ATP1A1: variants seen among roughly 807,000 people sequenced by gnomAD.
ATP1A1 encodes sodium/potassium-transporting ATPase subunit alpha-1.
A neutral mutation model predicts 114.8 loss-of-function variants in ATP1A1; 14 were observed. The observed-to-expected ratio is 0.12, with a 90% CI of 0.08 to 0.19. The LOEUF (loss-of-function observed/expected upper bound fraction) is 0.19. Among genes scored for constraint, ATP1A1 ranks in the 10% least tolerant of loss-of-function variants. The pLI, the probability that ATP1A1 is intolerant of heterozygous loss-of-function variation, is 1.00. For missense variants in ATP1A1, 524 were observed against 1,290.7 expected (o/e 0.41, Z 9.10); for synonymous variants, 471 against 466.3 (o/e 1.01, Z -0.13).
At position 116,404,589 on chromosome 1, in the gene ATP1A1, A is replaced by T; in HGVS notation, c.*145A>T. The T allele has an allele frequency of 1.4e-6, 2 of 1,387,222 alleles. No homozygotes were observed. The highest frequency in any genetic ancestry group is 1.9e-6 in the Non-Finnish European group (2 of 1,072,268). 85.9% of individuals were successfully genotyped at this position (1,387,222 alleles called of 1,614,324 possible). ...CATGTGGGGAAGCAAGACGTCCTGGAATGAAGCATGTAGCTCTATGGGGGG... is the reference window on the plus strand; with the variant it reads ...CATGTGGGGAAGCAAGACGTCCTGGTATGAAGCATGTAGCTCTATGGGGGG... On this transcript the variant is annotated 3_prime_UTR_variant, in exon 23 of 23. Coordinates refer to ENST00000295598, the MANE Select transcript of ATP1A1 (RefSeq NM_000701.8). This position sits in a 1 kb window ranked among gnomAD's most constrained non-coding sequence, Gnocchi z 4.8.
chr1:116,403,986 G>A lies in ATP1A1; in HGVS notation c.3043+11G>A, dbSNP rs1172088179. ...GGCGACGCCCTGGCGGTAATTATGG[G>A]CATTCTGACTTTGGTTGGAGGAGGA... On this transcript the variant is annotated intron_variant, in intron 22 of 22. Coordinates refer to ENST00000295598, the MANE Select transcript of ATP1A1 (RefSeq NM_000701.8). 1.2e-6 allele frequency: 2 copies of A among 1,611,958 alleles called. No homozygotes were observed. Among genetic ancestry groups the A allele is most frequent in the South Asian group, 1.1e-5 (1 of 90,870 alleles).
rs11540946 is a variant in ATP1A1 at position 116,373,367 on chromosome 1, C to T, written c.-145C>T. The T allele has an allele frequency of 3.9e-5, 18 of 460,400 alleles. No individual in the cohort carries two copies. In the South Asian group the frequency reaches 6.6e-4, roughly 17 times the overall value. The allele number at this position is 460,400 out of a possible 1,614,324, so 28.5% of individuals were successfully genotyped here. A position where few individuals can be genotyped will look rare whatever the true frequency, so the allele number is the denominator to read the frequency against. On this transcript the variant is annotated 5_prime_UTR_variant, in exon 1 of 23. Coordinates refer to ENST00000295598, the MANE Select transcript of ATP1A1 (RefSeq NM_000701.8). ...CGGCATCGGCCCGAGCCGCCGGCCGCCCTCCCACCCTCCCGCCCCGCGGCA... is the reference window on the plus strand; with the variant it reads ...CGGCATCGGCCCGAGCCGCCGGCCGTCCTCCCACCCTCCCGCCCCGCGGCA...
rs1178447957 is a variant in ATP1A1, at chr1:116,387,830, G to A, written c.388-301G>A. On this transcript the variant is annotated intron_variant, in intron 4 of 22. Transcript: ENST00000295598. This position sits in a 1 kb window ranked among gnomAD's most constrained non-coding sequence, Gnocchi z 6.7. Reference sequence around the variant, plus strand: ...TCCACCTGTCCAGAAATGCTTGGTGGCCATTCTTCAAAATCCACAAGTTGG... The same window carrying A: ...TCCACCTGTCCAGAAATGCTTGGTGACCATTCTTCAAAATCCACAAGTTGG... Among the ~76,000 whole-genome samples the A allele has an allele frequency of 6.6e-6, 1 of 152,174 alleles. No individual in the cohort carries two copies. Among genetic ancestry groups the A allele is most frequent in the African/African-American group, 2.4e-5 (1 of 41,448 alleles).
Position 116,384,844 on chromosome 1 carries a change from T to G in ATP1A1, c.183+2T>G. 6.2e-7 allele frequency: 1 copy of G among 1,613,734 alleles called. No homozygotes were observed. Among genetic ancestry groups the G allele is most frequent in the Non-Finnish European group, 8.5e-7 (1 of 1,179,742 alleles). On this transcript the variant is annotated splice_donor_variant, in intron 3 of 22. Transcript: ENST00000295598. LOFTEE classifies it high-confidence loss of function. The surrounding 1 kb of genome is among the most constrained non-coding windows in gnomAD (Gnocchi z 5.1). Reference sequence around the variant, plus strand: ...AAATATGGAACAGACTTGAGCCGGGTATGTTCTAGTTTGAAAGCTGTTGTA... The same window carrying G: ...AAATATGGAACAGACTTGAGCCGGGGATGTTCTAGTTTGAAAGCTGTTGTA...
intron 18 of ATP1A1, among the ~76,000 whole-genome samples, chr1:116,400,048 C>T (rs970014318): frequency 3.3e-5 from 5 of 152,224 alleles, no homozygotes; most frequent in Non-Finnish European, 7.3e-5. Context: ...GCATGACTAG[C>T]TAACAGGTGA....
At chr1:116,379,494 G>A (rs1344086068) in intron 1 of ATP1A1, among the ~76,000 whole-genome samples, 2 of 152,192 alleles carry the variant, frequency 1.3e-5, no homozygotes, top group Non-Finnish European at 2.9e-5. Flanking sequence ...TCCCTGGCTA[G>A]ACAATTCCTT....
At position 116,388,818 on chromosome 1, in the gene ATP1A1, G is replaced by C; in HGVS notation, c.636+46G>C. 1 of 1,612,766 alleles carries C rather than the reference G, an allele frequency of 6.2e-7. No individual in the cohort carries two copies. Among genetic ancestry groups the C allele is most frequent in the Non-Finnish European group, 8.5e-7 (1 of 1,179,158 alleles). ...AACCTCATAGCTAGCTCTGCTGTTC[G>C]GGCAGCTTGATTTGAGGGGTACAGT... is the stretch of plus-strand genomic sequence containing the variant. On this transcript the variant is annotated intron_variant, in intron 6 of 22. Coordinates refer to ENST00000295598, the MANE Select transcript of ATP1A1 (RefSeq NM_000701.8). This position sits in a 1 kb window ranked among gnomAD's most constrained non-coding sequence, Gnocchi z 5.6.
Position 116,392,919 on chromosome 1 carries a change from C to A in ATP1A1, c.1398C>A (p.Ser466=). The change falls in exon 11 of 23, where the codon TCC becomes TCA. Residue 466 remains serine, a synonymous_variant. Coordinates refer to ENST00000295598, the MANE Select transcript of ATP1A1 (RefSeq NM_000701.8). The part of the protein sequence containing the change: ...LLKCIELCCG[S]VKEMRERYAK... The stretch of plus-strand genomic sequence containing the variant: ...AGTGCATAGAGCTGTGCTGTGGTTC[C>A]GTGAAGGAGATGAGAGAAAGATACG... 6.2e-7 allele frequency: 1 copy of A among 1,614,052 alleles called. No homozygotes were observed. The highest frequency in any genetic ancestry group is 1.1e-5 in the South Asian group (1 of 91,084).
In ATP1A1 at chr1:116,397,775, CTTCT is replaced by C. The variant is rs1653054475; in HGVS notation, c.1974-110_1974-107del. 12 of 1,340,536 alleles carry C rather than the reference CTTCT, an allele frequency of 9.0e-6. No homozygotes were observed. The highest frequency in any genetic ancestry group is 2.9e-5 in the South Asian group (2 of 69,888). 83.0% of individuals were successfully genotyped at this position (1,340,536 alleles called of 1,614,324 possible). On this transcript the variant is annotated intron_variant, in intron 14 of 22. Transcript: ENST00000295598. This position sits in a 1 kb window ranked among gnomAD's most constrained non-coding sequence, Gnocchi z 4.2. ...AGCTTTTATGTGCTGGGGAAAATTC[CTTCT>C]TTGTTTTGTTTACAAAGTGATCTGC...
At position 116,399,097 on chromosome 1, in the gene ATP1A1, A is replaced by T; in HGVS notation, c.2448+13A>T. 1.2e-6 allele frequency: 2 copies of T among 1,614,118 alleles called. No individual in the cohort carries two copies. Among genetic ancestry groups the T allele is most frequent in the Non-Finnish European group, 1.7e-6 (2 of 1,180,012 alleles). On this transcript the variant is annotated intron_variant, in intron 17 of 22. Coordinates refer to ENST00000295598, the MANE Select transcript of ATP1A1 (RefSeq NM_000701.8). The surrounding 1 kb of genome is among the most constrained non-coding windows in gnomAD (Gnocchi z 5.0). ...GGGCACTGACATGGTGAGTGTCACA[A>T]CAGTCACAGATCGATAGTAGTGAGG... is the stretch of plus-strand genomic sequence containing the variant.
In ATP1A1 at chr1:116,395,383, A is replaced by C; in HGVS notation, c.1836+98A>C. ...TGAGGTCCAGATGGCCAGCTGTTCT[A>C]TCTCACCTGGAGTATTAATTTCTCA... On this transcript the variant is annotated intron_variant, in intron 13 of 22. Coordinates refer to ENST00000295598, the MANE Select transcript of ATP1A1 (RefSeq NM_000701.8). This position sits in a 1 kb window ranked among gnomAD's most constrained non-coding sequence, Gnocchi z 6.4. The C allele has an allele frequency of 7.5e-7, 1 of 1,332,852 alleles. No homozygotes were observed. 82.6% of individuals were successfully genotyped at this position (1,332,852 alleles called of 1,614,324 possible).
rs1004153266 is a variant in ATP1A1 at position 116,393,566 on chromosome 1, C to T, written c.1503C>T (p.Pro501=). The change falls in exon 12 of 23, where the codon CCC becomes CCT. Residue 501 remains proline, a synonymous_variant. Transcript: ENST00000295598. The surrounding 1 kb of genome is among the most constrained non-coding windows in gnomAD (Gnocchi z 5.0). ...ATAAGAACCCCAACACATCGGAGCC[C>T]CAACACCTGTTGGTGATGAAGGGCG... The part of the protein sequence containing the change: ...SIHKNPNTSE[P]QHLLVMKGAP... 3.7e-6 allele frequency: 6 copies of T among 1,613,906 alleles called. No homozygotes were observed. The Admixed American group carries it at 5.0e-5, about 13-fold the overall frequency.
chr1:116,389,359 C>T lies in ATP1A1; in HGVS notation c.755-80C>T, dbSNP rs957957949. ...CAACTCTTTTTGTTTTTTTAGTCATCCTATGTAATTGTGTAAAATCCGTGG... is the reference window on the plus strand; with the variant it reads ...CAACTCTTTTTGTTTTTTTAGTCATTCTATGTAATTGTGTAAAATCCGTGG... On this transcript the variant is annotated intron_variant, in intron 7 of 22. Transcript: ENST00000295598. The surrounding 1 kb of genome is among the most constrained non-coding windows in gnomAD (Gnocchi z 6.9). The T allele has an allele frequency of 1.3e-6, 2 of 1,546,414 alleles. No individual in the cohort carries two copies. Among genetic ancestry groups the T allele is most frequent in the Non-Finnish European group, 1.8e-6 (2 of 1,139,822 alleles).
At chr1:116,373,895 C>T in intron 1 of ATP1A1, 1 of 1,298,206 alleles carries the variant, frequency 7.7e-7, no homozygotes, top group Non-Finnish European at 9.8e-7. Context: ...GGGACTGAGC[C>T]GGCATCCCTG....
At chr1:116,374,018 GGGGCCTCCTCCC>G in intron 1 of ATP1A1, 1 of 1,273,006 alleles carries the variant, frequency 7.9e-7, no homozygotes, top group Non-Finnish European at 9.7e-7. Flanking sequence ...GCGCTCCGCC[GGGGCCTCCTCCC>G]GGGCCTCCGT....
At chr1:116,390,037 T>A in intron 8 of ATP1A1, 176 bp from the exon 9 acceptor site, 1 of 722,776 alleles carries the variant, frequency 1.4e-6, no homozygotes. Context: ...AGATTGCTTT[T>A]CTGGAAGGAA....
At chr1:116,375,265 A>G (rs1651288468) in intron 1 of ATP1A1, among the ~76,000 whole-genome samples, 1 of 152,268 alleles carries the variant, frequency 6.6e-6, no homozygotes, top group African/African-American at 2.4e-5. Flanking sequence ...GGCGTCCCTG[A>G]TTCTTGAACA....
Position 116,401,755 on chromosome 1 carries a change from T to C in ATP1A1, c.2951+100T>C. ...TAGTTGTTATTTTCAGAATTTTGAG[T>C]GGTATGTACAAAAATTCCTATGGGT... On this transcript the variant is annotated intron_variant, in intron 21 of 22. Transcript: ENST00000295598. This position sits in a 1 kb window ranked among gnomAD's most constrained non-coding sequence, Gnocchi z 4.7. 8.1e-7 allele frequency: 1 copy of C among 1,230,764 alleles called. No homozygotes were observed. The highest frequency in any genetic ancestry group is 1.3e-5 in the South Asian group (1 of 75,618). 76.2% of individuals were successfully genotyped at this position (1,230,764 alleles called of 1,614,324 possible).
rs777303413 is a variant in ATP1A1, at chr1:116,398,737, C to T, written c.2241C>T (p.Asp747=). 12 of 1,613,986 alleles carry T rather than the reference C, an allele frequency of 7.4e-6. No individual in the cohort carries two copies. In the South Asian group the frequency reaches 1.3e-4, roughly 18 times the overall value. The change falls in exon 16 of 23, where the codon GAC becomes GAT. Residue 747 remains aspartate (D), a synonymous_variant. Transcript: ENST00000295598. The surrounding 1 kb of genome is among the most constrained non-coding windows in gnomAD (Gnocchi z 6.1). ...AGSDVSKQAA[D]MILLDDNFAS... Reference sequence around the variant, plus strand: ...CAGATGTGTCCAAGCAAGCTGCTGACATGATTCTTCTGGATGACAACTTTG... The same window carrying T: ...CAGATGTGTCCAAGCAAGCTGCTGATATGATTCTTCTGGATGACAACTTTG...
Sources: gnomAD v4.1 joint callset for allele counts (sites outside exome capture counted in the v4.1 genomes callset) on GRCh38, gnomAD v4.1.1 for gene constraint, Gnocchi (gnomAD v3.1) non-coding constraint, MANE v1.5 for transcripts, NCBI Gene and HGNC (gene_info 2026-07-23, HGNC 2026-07-21) for gene names.